The following SYNE2 variants were observed in gnomAD, a reference collection of about 807,000 sequenced individuals.
SYNE2 encodes spectrin repeat containing nuclear envelope protein 2.
In SYNE2, 431 loss-of-function variants were observed where a neutral mutation model predicts 856.3. The ratio of observed to expected loss-of-function variants is 0.50; its 90% CI spans 0.47 to 0.55. SYNE2 has a LOEUF of 0.55. SYNE2 is among the 20% of genes least tolerant of loss of function. SYNE2 has a pLI of 0.00. For missense variants in SYNE2, 8,129 were observed against 8,023.2 expected, an observed-to-expected ratio of 1.01 and a Z score of -0.50; for synonymous variants, 2,923 against 2,872.3, an observed-to-expected ratio of 1.02 and a Z score of -0.56.
chr14:64,187,439 A>G (rs1032484702), intron 97 of SYNE2, among the ~76,000 whole-genome samples: 11 of 152,234 alleles, frequency 7.2e-5, no homozygotes, highest in African/African-American at 2.4e-4. Context: ...TAAGGTAGAC[A>G]GGAAGACTGG....
intron 2 of SYNE2, among the ~76,000 whole-genome samples, chr14:63,935,211 G>A (rs1312441869): frequency 2.0e-5 from 3 of 152,148 alleles, no homozygotes; most frequent in African/African-American, 7.2e-5. Flanking sequence ...ACTCTCAAAA[G>A]CCTGAATTAT....
At chr14:63,966,780 G>C (rs2096399005) in intron 10 of SYNE2, among the ~76,000 whole-genome samples, 1 of 151,938 alleles carries the variant, frequency 6.6e-6, no homozygotes, top group Non-Finnish European at 1.5e-5. Flanking sequence ...GGCTAGTTTT[G>C]AACTCCTGGG....
intron 80 of SYNE2, among the ~76,000 whole-genome samples, chr14:64,140,739 TTTG>T (rs1242040147): frequency 7.9e-5 from 12 of 152,348 alleles, no homozygotes; most frequent in Non-Finnish European, 1.5e-4. Context: ...CTAAAAAGCT[TTTG>T]TTCCATTGTT....
chr14:64,209,605 C>G, intron 102 of SYNE2, 27 bp downstream of exon 102: 2 of 1,612,992 alleles, frequency 1.2e-6, no homozygotes, highest in Non-Finnish European at 1.7e-6. Context: ...TCCCGGTCTC[C>G]TGATCATAAC....
At chr14:64,012,721 A>G (rs2096856190) in intron 32 of SYNE2, among the ~76,000 whole-genome samples, 1 of 152,230 alleles carries the variant, frequency 6.6e-6, no homozygotes, top group East Asian at 1.9e-4. Flanking sequence ...TTTGTATGAA[A>G]GATATAGAAG....
chr14:63,963,913 T>C lies in SYNE2; in HGVS notation c.903T>C (p.Asp301=). The C allele has an allele frequency of 1.2e-6, 2 of 1,612,288 alleles. No homozygotes were observed. Among genetic ancestry groups the C allele is most frequent in the Non-Finnish European group, 1.7e-6 (2 of 1,178,484 alleles). ...GTAAAATACAGGGAAAGGTGAAAGA[T>C]GCTATGGGCTGGTTAACTCTGCAAA... ...TGEEAQGKVK[D]AMGWLTLQKE... is the part of the protein sequence containing the mutation. The change falls in exon 10 of 116, where the codon GAT becomes GAC. Residue 301 remains aspartate (D), a synonymous_variant. Coordinates refer to ENST00000555002, the MANE Select transcript of SYNE2 (RefSeq NM_182914.3).
At chr14:64,073,933 TAAAG>T (rs1258826593) in intron 52 of SYNE2, 31 bp from the exon 53 acceptor site, 1 of 1,603,644 alleles carries the variant, frequency 6.2e-7, no homozygotes. Flanking sequence ...AAGAGCAGGA[TAAAG>T]AAACAATTAT....
intron 99 of SYNE2, chr14:64,202,252 C>T (rs1175309162): frequency 2.8e-6 from 2 of 702,338 alleles, no homozygotes; most frequent in Non-Finnish European, 2.6e-6. Context: ...GGGTGAACCC[C>T]TCATACTGAA....
Position 63,974,892 on chromosome 14 carries a change from G to GTATGTATATATATATA in SYNE2, c.1129-1668_1129-1667insGTATATATATATATAT, listed in dbSNP as rs2096527541. On this transcript the variant is annotated intron_variant, in intron 11 of 115. Coordinates refer to ENST00000555002, the MANE Select transcript of SYNE2 (RefSeq NM_182914.3). ...TGTGTGTGTGTGTGTGTGTGTGTGT[G>GTATGTATATATATATA]TATATATATATATATATATATATAT... 3.0e-5 allele frequency among the ~76,000 whole-genome samples: 2 copies of GTATGTATATATATATA among 67,330 alleles called. 1 individual carries two copies. The highest frequency in any genetic ancestry group is 6.2e-5 in the Non-Finnish European group (2 of 32,218). 44.2% of individuals were successfully genotyped at this position (67,330 alleles called of 152,430 possible). A position where few individuals can be genotyped will look rare whatever the true frequency, so the allele number is the denominator to read the frequency against.
intron 99 of SYNE2, among the ~76,000 whole-genome samples, chr14:64,199,471 G>A (rs540034964): frequency 6.6e-6 from 1 of 152,094 alleles, no homozygotes; most frequent in East Asian, 1.9e-4. Flanking sequence ...TAATCCTAGC[G>A]CTTTGGGAGG....
chr14:64,024,000 A>T (rs2096958092), intron 38 of SYNE2: 15 of 431,456 alleles, frequency 3.5e-5, no homozygotes, highest in South Asian at 3.2e-4. Flanking sequence ...GGATAGGAAA[A>T]TGTAGCTGTC....
chr14:64,013,675 A>G (rs929832686), intron 32 of SYNE2, among the ~76,000 whole-genome samples: 1 of 152,228 alleles, frequency 6.6e-6, no homozygotes, highest in Non-Finnish European at 1.5e-5. Flanking sequence ...GTTCTGAACC[A>G]GGAGAACGAA....
chr14:63,997,667 A>G (rs1385428373), intron 25 of SYNE2, among the ~76,000 whole-genome samples: 2 of 152,150 alleles, frequency 1.3e-5, no homozygotes, highest in Non-Finnish European at 2.9e-5. Context: ...TTATCTGTGT[A>G]TATTGTTATT....
At chr14:64,047,920 G>A (rs2097197937) in intron 45 of SYNE2, 80 bp from the exon 46 acceptor site, 2 of 1,461,018 alleles carry the variant, frequency 1.4e-6, no homozygotes, top group Non-Finnish European at 1.9e-6. Context: ...GAAGAAACTG[G>A]AATGTTTTCA....
intron 1 of SYNE2, among the ~76,000 whole-genome samples, chr14:63,876,343 G>T (rs1422628599): frequency 6.6e-6 from 1 of 151,838 alleles, no homozygotes; most frequent in Non-Finnish European, 1.5e-5. Context: ...GTTCAAGGCT[G>T]TAGTAAGCTA....
chr14:64,038,641 G>C lies in SYNE2; in HGVS notation c.7221+7284G>C, dbSNP rs2097122742. Among the ~76,000 whole-genome samples, 3 of 152,356 alleles carry C rather than the reference G, an allele frequency of 2.0e-5. 1 individual carries two copies. In the South Asian group the frequency reaches 6.2e-4, roughly 32 times the overall value. ...GATCACTCGGCGGTTAGGAGCTGGA[G>C]ACCAGCCCGGCCAACACAGCGAAAC... On this transcript the variant is annotated intron_variant, in intron 45 of 115. Coordinates refer to ENST00000555002, the MANE Select transcript of SYNE2 (RefSeq NM_182914.3).
chr14:64,045,624 G>A (rs963882288), intron 45 of SYNE2, among the ~76,000 whole-genome samples: 1 of 152,128 alleles, frequency 6.6e-6, no homozygotes, highest in Admixed American at 6.5e-5. Context: ...TGCTGCCCTA[G>A]GTGTAGATTT....
At chr14:64,209,281 A>C (rs1043076966) in intron 101 of SYNE2, 147 bp from the exon 102 acceptor site, 3 of 1,336,794 alleles carry the variant, frequency 2.2e-6, no homozygotes, top group Non-Finnish European at 3.1e-6. Context: ...CAGGAGGAGC[A>C]CAGACAAGAA....
At chr14:63,998,769 G>A in intron 26 of SYNE2, 145 bp from the exon 27 acceptor site, 2 of 788,866 alleles carry the variant, frequency 2.5e-6, no homozygotes, top group Non-Finnish European at 4.2e-6. Context: ...CGCCATGTTG[G>A]CCAGGCTGGT....
Sources: allele counts gnomAD v4.1 joint callset (sites outside exome capture counted in the v4.1 genomes callset), GRCh38; gene constraint gnomAD v4.1.1; transcripts MANE v1.5; gene names NCBI Gene and HGNC (gene_info 2026-07-23, HGNC 2026-07-21).